PSMG2: variants seen among roughly 807,000 people sequenced by gnomAD.
PSMG2 encodes the protein CD40 ligand-activated specific transcript 3.
PSMG2 carries 21 observed loss-of-function variants against 31.5 expected under a neutral mutation model. That is an observed-to-expected ratio of 0.67 (90% CI 0.47 to 0.96). The LOEUF is 0.96. PSMG2 is among the 40% of genes least tolerant of loss of function. The pLI, the probability that PSMG2 is intolerant of heterozygous loss-of-function variation, is 0.00. For missense variants in PSMG2, 318 were observed against 321.2 expected (o/e 0.99, Z 0.08); for synonymous variants, 120 against 110.4 (o/e 1.09, Z -0.54).
intron 1 of PSMG2, chr18:12,662,223 G>GTAACCTAAATT (rs1266988259): frequency 1.4e-5 from 6 of 437,742 alleles, no homozygotes; most frequent in African/African-American, 1.2e-4. Context: ...TTTTAATGTT[G>GTAACCTAAATT]TAACCTAAAT....
At chr18:12,695,186 G>T in intron 1 of PSMG2, 1 of 581,254 alleles carries the variant, frequency 1.7e-6, no homozygotes, top group Non-Finnish European at 2.9e-6. Flanking sequence ...GTGCTTTCTA[G>T]GATCAACAGG....
chr18:12,708,209 G>T (rs1180674291), intron 2 of PSMG2, among the ~76,000 whole-genome samples: 2 of 152,152 alleles, frequency 1.3e-5, no homozygotes, highest in Non-Finnish European at 2.9e-5. Flanking sequence ...CTGGGAGGTT[G>T]TGGCTACAGT....
chr18:12,714,136 A>G (rs1479837457), intron 3 of PSMG2, among the ~76,000 whole-genome samples: 4 of 152,244 alleles, frequency 2.6e-5, no homozygotes, highest in African/African-American at 7.2e-5. Flanking sequence ...ATGAGGCTGT[A>G]TATCTGTGCT....
chr18:12,672,806 C>T, intron 1 of PSMG2: 1 of 983,646 alleles, frequency 1.0e-6, no homozygotes, highest in Non-Finnish European at 1.2e-6. Flanking sequence ...TTTTTTCCTA[C>T]TCTTGCTTCA....
At chr18:12,714,487 CT>C (rs11331115) in intron 3 of PSMG2, among the ~76,000 whole-genome samples, 22,849 of 141,260 alleles carry the variant, frequency 0.16, 1,785 homozygotes, top group Admixed American at 0.26. Flanking sequence ...TCCTTTCTTC[CT>C]TTTTTTTTTT....
intron 1 of PSMG2, among the ~76,000 whole-genome samples, chr18:12,669,327 G>A (rs1345619088): frequency 6.6e-6 from 1 of 151,896 alleles, no homozygotes; most frequent in Non-Finnish European, 1.5e-5. Flanking sequence ...GGTCAGGCTG[G>A]TCTCGAACTC....
chr18:12,682,897 C>T (rs960474945), intron 1 of PSMG2, among the ~76,000 whole-genome samples: 1 of 151,886 alleles, frequency 6.6e-6, no homozygotes, highest in East Asian at 1.9e-4. Context: ...GCTGCGATTA[C>T]AGGCATGAGC....
At chr18:12,703,275 A>G in intron 1 of PSMG2, 111 bp downstream of exon 1, 3 of 1,211,176 alleles carry the variant, frequency 2.5e-6, no homozygotes, top group Non-Finnish European at 3.4e-6. Flanking sequence ...ACTAGTTTCT[A>G]TTTCATGTTT....
Position 12,718,574 on chromosome 18 carries a change from G to A in PSMG2, c.346G>A (p.Ala116Thr). ...TTCCTGGGTGAAAAGCAGTGGCTGT[G>A]CCAGAGTCATTGTTCTTTCAAGCAG... is the stretch of plus-strand genomic sequence containing the variant. Reference protein sequence around the residue: ...LLSWVKSSGCARVIVLSSSHS... With the variant: ...LLSWVKSSGCTRVIVLSSSHS... Residue 116 changes from alanine to threonine, a missense_variant, in exon 4 of 7, where the codon GCC (alanine) becomes ACC (threonine). By Grantham distance (58) the Ala-to-Thr change is moderately conservative. Transcript: ENST00000317615. The A allele has an allele frequency of 6.2e-7, 1 of 1,612,502 alleles. No individual in the cohort carries two copies. Among genetic ancestry groups the A allele is most frequent in the Non-Finnish European group, 8.5e-7 (1 of 1,179,004 alleles).
intron 1 of PSMG2, among the ~76,000 whole-genome samples, chr18:12,661,063 T>A (rs1181196199): frequency 6.6e-6 from 1 of 152,012 alleles, no homozygotes; most frequent in Non-Finnish European, 1.5e-5. Context: ...ATCCCAGCAG[T>A]TTGGGAGGCC....
intron 1 of PSMG2, among the ~76,000 whole-genome samples, chr18:12,691,076 C>A (rs1194844900): frequency 1.3e-5 from 2 of 151,806 alleles, no homozygotes; most frequent in East Asian, 3.9e-4. Context: ...TACTTTAAAT[C>A]AAATATATTC....
chr18:12,694,995 G>A (rs56359953), intron 1 of PSMG2, among the ~76,000 whole-genome samples: 21,281 of 151,998 alleles, frequency 0.14, 1,730 homozygotes, highest in African/African-American at 0.2. Context: ...GACTACAGGC[G>A]TGAGCCACCG....
chr18:12,672,864 C>G (rs1042623309), intron 1 of PSMG2: 1 of 985,286 alleles, frequency 1.0e-6, no homozygotes, highest in Non-Finnish European at 1.2e-6. Flanking sequence ...CCAAGGACCA[C>G]GAATAAACCA....
intron 1 of PSMG2, chr18:12,684,469 C>T (rs1378166267): frequency 1.4e-5 from 2 of 144,740 alleles, no homozygotes; most frequent in African/African-American, 5.1e-5. Context: ...GTCACCCAGG[C>T]TAAAGATAGT....
At chr18:12,715,567 G>T (rs974335833) in intron 3 of PSMG2, among the ~76,000 whole-genome samples, 1 of 151,984 alleles carries the variant, frequency 6.6e-6, no homozygotes, top group Non-Finnish European at 1.5e-5. Context: ...GTGCAGTGGC[G>T]TGATCTCAGG....
At chr18:12,680,362 G>A (rs555539776) in intron 1 of PSMG2, among the ~76,000 whole-genome samples, 3 of 151,898 alleles carry the variant, frequency 2.0e-5, no homozygotes, top group South Asian at 2.1e-4. Flanking sequence ...TTGGGAGGCT[G>A]AGGTAGGTGG....
At chr18:12,666,436 G>GGTT (rs1555640545) in intron 1 of PSMG2, among the ~76,000 whole-genome samples, 1 of 126,624 alleles carries the variant, frequency 7.9e-6, no homozygotes, top group African/African-American at 2.9e-5. Flanking sequence ...AAATTTTATG[G>GGTT]TTTTTTTTTT....
chr18:12,698,708 A>AT (rs1214129963), upstream of PSMG2: 3 of 376,566 alleles, frequency 8.0e-6, no homozygotes, highest in Non-Finnish European at 1.4e-5. Context: ...CCTGCCTAGC[A>AT]TAACACTATG....
exon 1 of PSMG2, chr18:12,658,752 C>T (rs1416918109): frequency 1.1e-5 from 4 of 378,256 alleles, no homozygotes; most frequent in African/African-American, 2.1e-5. Context: ...TGAATACCTC[C>T]CTCTCCACTC....
Sources: gnomAD v4.1 joint callset for allele counts (sites outside exome capture counted in the v4.1 genomes callset) on GRCh38, gnomAD v4.1.1 for gene constraint, MANE v1.5 for transcripts, NCBI Gene and HGNC (gene_info 2026-07-23, HGNC 2026-07-21) for gene names.